WDPCP: variants seen among roughly 807,000 people sequenced by gnomAD.
The protein encoded by WDPCP is WD repeat containing planar cell polarity effector, also known as WD repeat-containing and planar cell polarity effector protein fritz homolog.
WDPCP carries 71 observed loss-of-function variants against 93.1 expected under a neutral mutation model. The ratio of observed to expected loss-of-function variants is 0.76; its 90% CI spans 0.63 to 0.93. The LOEUF (loss-of-function observed/expected upper bound fraction) is 0.93, where lower values mean the gene tolerates loss of function less well. Among genes scored for constraint, WDPCP ranks in the 40% least tolerant of loss-of-function variants. The pLI is 0.00. For synonymous variants in WDPCP, 315 were observed against 315.0 expected, an observed-to-expected ratio of 1.00 and a Z score of 0.00; for missense variants, 844 against 887.4, an observed-to-expected ratio of 0.95 and a Z score of 0.62.
At chr2:63,561,957 T>C (rs1575653585) in intron 1 of WDPCP, among the ~76,000 whole-genome samples, 1 of 152,194 alleles carries the variant, frequency 6.6e-6, no homozygotes, top group African/African-American at 2.4e-5. Flanking sequence ...TGAAAAACAG[T>C]GTGATGATTC....
intron 14 of WDPCP, chr2:63,232,680 T>A (rs1679025105): frequency 6.5e-6 from 1 of 153,034 alleles, no homozygotes; most frequent in Admixed American, 6.6e-5. Flanking sequence ...CTTTTCCTCT[T>A]ATGAATGGGT....
At chr2:63,235,314 C>G (rs371541811) in intron 14 of WDPCP, among the ~76,000 whole-genome samples, 3 of 152,040 alleles carry the variant, frequency 2.0e-5, no homozygotes, top group Non-Finnish European at 4.4e-5. Context: ...AAACCCTGAA[C>G]AGAACAGTAA....
intron 9 of WDPCP, among the ~76,000 whole-genome samples, chr2:63,413,077 A>G (rs1695140566): frequency 6.6e-6 from 1 of 152,214 alleles, no homozygotes; most frequent in African/African-American, 2.4e-5. Flanking sequence ...AAGATTAAGC[A>G]AAAAGAACAA....
At chr2:63,379,616 G>A (rs920327319) in intron 11 of WDPCP, among the ~76,000 whole-genome samples, 2 of 152,046 alleles carry the variant, frequency 1.3e-5, no homozygotes, top group Non-Finnish European at 1.5e-5. Context: ...TGAAATATTC[G>A]AACCTACATG....
intron 1 of WDPCP, among the ~76,000 whole-genome samples, chr2:63,521,496 C>A (rs760361059): frequency 6.6e-6 from 1 of 151,974 alleles, no homozygotes; most frequent in African/African-American, 2.4e-5. Flanking sequence ...TCAATACACA[C>A]CCCATACAGG....
At position 63,815,897 on chromosome 2, in the gene WDPCP, CT is replaced by C. The variant is rs71393330; in HGVS notation, n.223-2191del. Among the ~76,000 whole-genome samples, 286 of 147,068 alleles carry C rather than the reference CT, an allele frequency of 1.9e-3. 1 individual carries two copies. Among genetic ancestry groups the C allele is most frequent in the African/African-American group, 4.4e-3 (175 of 40,022 alleles). ...TGTTGTTGTTGTTGTTTATTTTTTG[CT>C]TTTTTTTTTCACTTTAATCAGGTAC... On this transcript the variant is annotated intron_variant and non_coding_transcript_variant, in intron 1 of 4. Coordinates refer to the WDPCP transcript ENST00000467687.
intron 6 of WDPCP, among the ~76,000 whole-genome samples, chr2:63,445,241 A>G (rs72821618): frequency 0.016 from 2,457 of 152,294 alleles, 59 homozygotes; most frequent in Admixed American, 0.065. Context: ...TTTACTACAG[A>G]GAACTGACTT....
Position 63,404,048 on chromosome 2 carries a change from CTAGTT to C in WDPCP, c.1430_1434del (p.Lys477ArgfsTer21). The stretch of plus-strand genomic sequence containing the variant: ...TTACTCATCACTTTCCTTGACTTAC[CTAGTT>C]TAAACAACAGCACACCCAAAGGTCC... On this transcript the variant is annotated frameshift_variant and splice_region_variant, in exon 10 of 18. Coordinates refer to ENST00000272321, the MANE Select transcript of WDPCP (RefSeq NM_015910.7). LOFTEE classifies it high-confidence loss of function. 1.2e-6 allele frequency: 2 copies of C among 1,613,962 alleles called. No homozygotes were observed. The highest frequency in any genetic ancestry group is 1.7e-6 in the Non-Finnish European group (2 of 1,179,962).
intron 14 of WDPCP, among the ~76,000 whole-genome samples, chr2:63,190,734 TG>T (rs1674980736): frequency 6.6e-6 from 1 of 152,034 alleles, no homozygotes; most frequent in Non-Finnish European, 1.5e-5. Context: ...GTTCTAGATG[TG>T]ACTAGTACTT....
chr2:63,504,811 T>C (rs1286280818), intron 1 of WDPCP, among the ~76,000 whole-genome samples: 1 of 152,072 alleles, frequency 6.6e-6, no homozygotes, highest in Non-Finnish European at 1.5e-5. Flanking sequence ...TTTAAATTAG[T>C]ATATCAATAG....
chr2:63,708,865 C>G (rs560845237), intron 2 of WDPCP, among the ~76,000 whole-genome samples: 1 of 151,684 alleles, frequency 6.6e-6, no homozygotes, highest in African/African-American at 2.4e-5. Flanking sequence ...CCACCTCAGC[C>G]TCCCAAAGTG....
chr2:63,294,388 T>A (rs1684682174), intron 13 of WDPCP, among the ~76,000 whole-genome samples: 2 of 151,824 alleles, frequency 1.3e-5, no homozygotes, highest in Non-Finnish European at 2.9e-5. Context: ...CAAGCCCCTG[T>A]AATCCCAGCT....
chr2:63,837,258 C>A, the WDPCP span, among the ~76,000 whole-genome samples: 3 of 152,176 alleles, frequency 2.0e-5, no homozygotes, highest in African/African-American at 7.2e-5. Flanking sequence ...AATTTGATAT[C>A]TTTTTCCAGT....
intron 3 of WDPCP, among the ~76,000 whole-genome samples, chr2:63,619,699 CA>C (rs1366889771): frequency 2.0e-5 from 3 of 152,312 alleles, no homozygotes; most frequent in Admixed American, 6.5e-5. Flanking sequence ...AACTGGTTCA[CA>C]TAAAAATACA....
At chr2:63,351,613 A>G (rs1369875845) in intron 12 of WDPCP, among the ~76,000 whole-genome samples, 1 of 152,160 alleles carries the variant, frequency 6.6e-6, no homozygotes, top group African/African-American at 2.4e-5. Context: ...TTCTTTATTT[A>G]CAGATGCATA....
chr2:63,124,428 G>A (rs1160995094), intron 17 of WDPCP, among the ~76,000 whole-genome samples: 1 of 152,038 alleles, frequency 6.6e-6, no homozygotes, highest in Non-Finnish European at 1.5e-5. Context: ...ATGTGGTTAA[G>A]TGCATTTTCT....
At chr2:63,567,949 G>C (rs950386624) in intron 1 of WDPCP, among the ~76,000 whole-genome samples, 2 of 152,186 alleles carry the variant, frequency 1.3e-5, no homozygotes, top group Non-Finnish European at 2.9e-5. Flanking sequence ...TTTGAATTTA[G>C]AATAGGGTTG....
At chr2:63,385,810 G>A (rs1355267305) in intron 10 of WDPCP, among the ~76,000 whole-genome samples, 1 of 151,916 alleles carries the variant, frequency 6.6e-6, no homozygotes, top group Non-Finnish European at 1.5e-5. Context: ...GGAAAAAGAA[G>A]AATAAAGTTG....
In WDPCP at chr2:63,786,029, T is replaced by A. The variant is rs140848128; in HGVS notation, n.308+27593A>T. Among the ~76,000 whole-genome samples, 16 of 152,240 alleles carry A rather than the reference T, an allele frequency of 1.1e-4. No homozygotes were observed. In the Middle Eastern group the frequency reaches 0.01, roughly 97 times the overall value. ...AATTCCTCATTCAAAATATTTATGA[T>A]TCTCTTTGGTTTTTTCTTCTTTTTT... is the stretch of plus-strand genomic sequence containing the variant. On this transcript the variant is annotated intron_variant and non_coding_transcript_variant, in intron 2 of 4. Coordinates refer to the WDPCP transcript ENST00000467687.
Sources: allele counts gnomAD v4.1 joint callset (sites outside exome capture counted in the v4.1 genomes callset), GRCh38; gene constraint gnomAD v4.1.1; transcripts MANE v1.5; gene names NCBI Gene and HGNC (gene_info 2026-07-23, HGNC 2026-07-21).